NINJ2: variants seen among roughly 807,000 people sequenced by gnomAD.
NINJ2 encodes the protein ninjurin-2.
A neutral mutation model predicts 11.7 loss-of-function variants in NINJ2; 12 were observed. The ratio of observed to expected loss-of-function variants is 1.02; its 90% CI spans 0.66 to 1.66. The LOEUF is 1.66. NINJ2 is among the 40% of genes most tolerant of loss of function. NINJ2 has a pLI of 0.00. For synonymous variants in NINJ2, 93 were observed against 76.8 expected, an observed-to-expected ratio of 1.21 and a Z score of -1.10; for missense variants, 187 against 181.8, an observed-to-expected ratio of 1.03 and a Z score of -0.16.
At chr12:583,414 C>A (rs992074362) in intron 1 of NINJ2, among the ~76,000 whole-genome samples, 1 of 152,262 alleles carries the variant, frequency 6.6e-6, no homozygotes, top group Non-Finnish European at 1.5e-5. Flanking sequence ...CCAAGGCCAC[C>A]AAACAGATAT....
intron 1 of NINJ2, among the ~76,000 whole-genome samples, chr12:600,669 TG>T (rs2120903879): frequency 1.6e-5 from 2 of 123,082 alleles, no homozygotes; most frequent in Admixed American, 1.7e-4. Context: ...TGTGTGTGTG[TG>T]TGTGTGTGTG....
At chr12:571,217 G>A (rs368727264) in intron 1 of NINJ2, among the ~76,000 whole-genome samples, 8 of 152,250 alleles carry the variant, frequency 5.3e-5, no homozygotes, top group African/African-American at 1.7e-4. Flanking sequence ...CTGGACAGAC[G>A]GGGAGTTTGG....
intron 1 of NINJ2, among the ~76,000 whole-genome samples, chr12:612,245 G>A (rs1170097606): frequency 1.3e-5 from 2 of 152,136 alleles, no homozygotes; most frequent in African/African-American, 4.8e-5. Flanking sequence ...CTTCCATTTT[G>A]GTCTAAGCTG....
At chr12:573,815 C>T (rs1947412920) in intron 1 of NINJ2, among the ~76,000 whole-genome samples, 1 of 152,128 alleles carries the variant, frequency 6.6e-6, no homozygotes, top group Admixed American at 6.6e-5. Context: ...GACCCAAAGA[C>T]CCAAAGGCAA....
chr12:592,392 C>T (rs781083475), intron 1 of NINJ2, among the ~76,000 whole-genome samples: 15 of 152,094 alleles, frequency 9.9e-5, no homozygotes, highest in Admixed American at 3.3e-4. Flanking sequence ...ACACAGATTA[C>T]GAAGAAACAG....
rs1947615463 is a variant in NINJ2 at position 585,232 on chromosome 12, C to G, written c.34-19054G>C. On this transcript the variant is annotated intron_variant, in intron 1 of 3. Transcript: ENST00000305108. This position sits in a 1 kb window ranked among gnomAD's most constrained non-coding sequence, Gnocchi z 4.1. ...TCACCTGCCGCCAGCGGTTCTCTCC[C>G]CGCCATTCACTGGGCTCTGGGGGCT... Among the ~76,000 whole-genome samples, 1 of 147,224 alleles carries G rather than the reference C, an allele frequency of 6.8e-6. No individual in the cohort carries two copies. Among genetic ancestry groups the G allele is most frequent in the Non-Finnish European group, 1.5e-5 (1 of 66,994 alleles).
chr12:663,433 C>A lies in NINJ2; in HGVS notation c.-73G>T. The A allele has an allele frequency of 6.2e-7, 1 of 1,614,032 alleles. No homozygotes were observed. Among genetic ancestry groups the A allele is most frequent in the Non-Finnish European group, 8.5e-7 (1 of 1,179,956 alleles). ...CTGCGTGGGCTCCTCCAGGCTCCGC[C>A]GTCTGAGTCTCTGCTGCTTTCTTCG... is the stretch of plus-strand genomic sequence containing the variant. On this transcript the variant is annotated 5_prime_UTR_variant, in exon 1 of 4. Transcript: ENST00000305108.
chr12:617,444 G>C (rs1948106173), intron 1 of NINJ2, among the ~76,000 whole-genome samples: 1 of 152,148 alleles, frequency 6.6e-6, no homozygotes, highest in African/African-American at 2.4e-5. Context: ...CATTCCTTCT[G>C]CCTCCAGACC....
intron 1 of NINJ2, among the ~76,000 whole-genome samples, chr12:600,620 C>T (rs184587117): frequency 2.3e-4 from 35 of 150,760 alleles, no homozygotes; most frequent in African/African-American, 7.8e-4. Context: ...TGAAATTAGA[C>T]GGATGGCAAG....
At chr12:648,059 A>G (rs1012696956) in intron 1 of NINJ2, among the ~76,000 whole-genome samples, 5 of 152,204 alleles carry the variant, frequency 3.3e-5, no homozygotes, top group African/African-American at 1.2e-4. Context: ...CAAATTGGAT[A>G]CATCAATTAG....
intron 1 of NINJ2, among the ~76,000 whole-genome samples, chr12:655,845 G>A (rs111271018): frequency 1.3e-5 from 2 of 151,906 alleles, no homozygotes; most frequent in African/African-American, 2.4e-5. Context: ...CCTGGGAAGC[G>A]GAGTTTGCAG....
chr12:579,812 G>C (rs11063697), intron 1 of NINJ2, among the ~76,000 whole-genome samples: 1 of 152,160 alleles, frequency 6.6e-6, no homozygotes, highest in South Asian at 2.1e-4. Context: ...AAAAAGCATA[G>C]GTCACAGATC....
At chr12:594,640 A>T (rs925741578) in intron 1 of NINJ2, among the ~76,000 whole-genome samples, 41 of 152,196 alleles carry the variant, frequency 2.7e-4, no homozygotes, top group African/African-American at 9.2e-4. Context: ...TTAAAAAACA[A>T]AAACAAAACA....
At chr12:568,190 C>A (rs1947328242) in intron 1 of NINJ2, among the ~76,000 whole-genome samples, 1 of 152,122 alleles carries the variant, frequency 6.6e-6, no homozygotes, top group Non-Finnish European at 1.5e-5. Flanking sequence ...AAAGTAGAAA[C>A]ATTTGAAAGG....
rs79829213 is a variant in NINJ2 at position 622,434 on chromosome 12, A to G, written c.33+40894T>C. ...CAAAAAAAAAAAAAAAAAAAAAAAA[A>G]GGAAAGAAAGAAAGAAAGGGGCTAC... On this transcript the variant is annotated intron_variant, in intron 1 of 3. Coordinates refer to ENST00000305108, the MANE Select transcript of NINJ2 (RefSeq NM_016533.6). Among the ~76,000 whole-genome samples the G allele has an allele frequency of 5.8e-3, 829 of 144,046 alleles. 1 individual carries two copies. Among genetic ancestry groups the G allele is most frequent in the African/African-American group, 0.021 (773 of 37,138 alleles). 94.5% of individuals were successfully genotyped at this position (144,046 alleles called of 152,430 possible). A position where few individuals can be genotyped will look rare whatever the true frequency, so the allele number is the denominator to read the frequency against.
intron 1 of NINJ2, among the ~76,000 whole-genome samples, chr12:609,966 CGAA>C (rs1350638599): frequency 1.5e-5 from 2 of 131,274 alleles, no homozygotes; most frequent in Non-Finnish European, 3.2e-5. Context: ...AAAAAAAAGA[CGAA>C]GGAGAGAAAT....
chr12:565,129 G>C, intron 3 of NINJ2, 88 bp downstream of exon 3: 2 of 1,079,854 alleles, frequency 1.9e-6, no homozygotes, highest in Non-Finnish European at 2.6e-6. Flanking sequence ...GTTTGGCAAG[G>C]GATCTGTTTC....
chr12:614,654 C>G lies in NINJ2; in HGVS notation c.34-48476G>C, dbSNP rs946728123. On this transcript the variant is annotated intron_variant, in intron 1 of 3. Coordinates refer to ENST00000305108, the MANE Select transcript of NINJ2 (RefSeq NM_016533.6). This position sits in a 1 kb window ranked among gnomAD's most constrained non-coding sequence, Gnocchi z 5.1. ...TGTGCTCTAAGAGGATTCCTGCTTC[C>G]CTCTTATCCAGAGAAGTCACTTAGT... Among the ~76,000 whole-genome samples, 10 of 152,282 alleles carry G rather than the reference C, an allele frequency of 6.6e-5. No individual in the cohort carries two copies. The highest frequency in any genetic ancestry group is 6.5e-5 in the Admixed American group (1 of 15,288).
At chr12:641,990 C>T (rs1948423701) in intron 1 of NINJ2, among the ~76,000 whole-genome samples, 1 of 152,172 alleles carries the variant, frequency 6.6e-6, no homozygotes, top group Admixed American at 6.5e-5. Flanking sequence ...CACCACCTTT[C>T]GACATGGTCC....
Sources: gnomAD v4.1 joint callset for allele counts (sites outside exome capture counted in the v4.1 genomes callset) on GRCh38, gnomAD v4.1.1 for gene constraint, Gnocchi (gnomAD v3.1) non-coding constraint, MANE v1.5 for transcripts, NCBI Gene and HGNC (gene_info 2026-07-23, HGNC 2026-07-21) for gene names.